Variants in NID1 observed in about 807,000 individuals in gnomAD.
NID1 encodes the protein nidogen 1, also known as nidogen-1.
In NID1, 76 loss-of-function variants were observed where a neutral mutation model predicts 130.6. The ratio of observed to expected loss-of-function variants is 0.58; its 90% CI spans 0.48 to 0.70. NID1 has a LOEUF of 0.70. Ranked by LOEUF, NID1 falls within the 30% of genes least tolerant of loss-of-function variation. NID1 has a pLI of 0.00. For synonymous variants in NID1, 665 were observed against 675.1 expected, an observed-to-expected ratio of 0.98 and a Z score of 0.23; for missense variants, 1,517 against 1,664.8, an observed-to-expected ratio of 0.91 and a Z score of 1.54.
At position 236,034,973 on chromosome 1, in the gene NID1, C is replaced by T. The variant is rs866773146; in HGVS notation, c.1286-2321G>A. 1.1e-3 allele frequency among the ~76,000 whole-genome samples: 149 copies of T among 131,492 alleles called. 1 individual carries two copies. Among genetic ancestry groups the T allele is most frequent in the African/African-American group, 3.9e-3 (134 of 33,996 alleles). 86.3% of individuals were successfully genotyped at this position (131,492 alleles called of 152,430 possible). A position where few individuals can be genotyped will look rare whatever the true frequency, so the allele number is the denominator to read the frequency against. ...CCTCACAGGTTCTCGGCAGAGTTTT[C>T]TTTTTTTTTTCTTTCTTTCTTTCTT... On this transcript the variant is annotated intron_variant, in intron 5 of 19. Transcript: ENST00000264187.
intron 13 of NID1, among the ~76,000 whole-genome samples, chr1:235,992,063 G>A (rs965297096): frequency 3.9e-5 from 6 of 152,136 alleles, no homozygotes; most frequent in African/African-American, 1.4e-4. Flanking sequence ...ACACAACTGT[G>A]CTGCAAAGCA....
chr1:235,988,767 A>G (rs1433577791), intron 14 of NID1, among the ~76,000 whole-genome samples: 1 of 152,194 alleles, frequency 6.6e-6, no homozygotes, highest in African/African-American at 2.4e-5. Flanking sequence ...GCCAGACACG[A>G]ATGACAAATA....
intron 7 of NID1, among the ~76,000 whole-genome samples, 171 bp from the exon 8 acceptor site, chr1:236,026,312 T>G (rs984302164): frequency 3.3e-5 from 5 of 152,208 alleles, no homozygotes; most frequent in Non-Finnish European, 7.3e-5. Context: ...TTGTTTGTAT[T>G]GAGACTCATT....
chr1:236,044,218 G>T (rs781593857), intron 3 of NID1, among the ~76,000 whole-genome samples: 14 of 152,152 alleles, frequency 9.2e-5, no homozygotes, highest in Admixed American at 3.3e-4. Flanking sequence ...AGCTTATATG[G>T]ACTAGCTTGT....
chr1:235,995,511 G>T (rs1324561563), intron 12 of NID1, among the ~76,000 whole-genome samples: 2 of 152,188 alleles, frequency 1.3e-5, no homozygotes, highest in African/African-American at 2.4e-5. Context: ...AGCCTCTGCA[G>T]TATCGACCAC....
At chr1:235,988,141 T>C (rs530276940) in intron 14 of NID1, among the ~76,000 whole-genome samples, 2 of 152,340 alleles carry the variant, frequency 1.3e-5, no homozygotes, top group African/African-American at 4.8e-5. Flanking sequence ...GCGAATCATG[T>C]ATCTTTTAAA....
chr1:236,061,582 C>T (rs1660037815), intron 1 of NID1, among the ~76,000 whole-genome samples: 1 of 152,146 alleles, frequency 6.6e-6, no homozygotes, highest in South Asian at 2.1e-4. Flanking sequence ...TCTCCTGCCT[C>T]AGCCTCCTGA....
At chr1:236,046,449 C>T (rs1047449687) in intron 2 of NID1, among the ~76,000 whole-genome samples, 65 of 152,098 alleles carry the variant, frequency 4.3e-4, no homozygotes, top group African/African-American at 1.2e-3. Flanking sequence ...ATGCCAGGAG[C>T]GGTGGGAGTG....
intron 7 of NID1, 131 bp from the exon 8 acceptor site, chr1:236,026,272 G>C (rs1658928866): frequency 9.7e-6 from 11 of 1,131,242 alleles, no homozygotes; most frequent in Non-Finnish European, 1.4e-5. Context: ...CCAGATGACA[G>C]ACCAGACAGA....
Position 236,032,535 on chromosome 1 carries a change from C to G in NID1, c.1403G>C (p.Arg468Pro). ...AATGGTGCTGATGGCTGTGTAGGAG[C>G]GCCCGTGGTTCATTACTACGTAAGA... Reference protein sequence around the residue: ...LHSYVVMNHGRSYTAISTIPE... With the variant: ...LHSYVVMNHGPSYTAISTIPE... Residue 468 changes from arginine (R) to proline (P), a missense_variant, in exon 6 of 20, where the codon CGC becomes CCC. Physicochemically the swap from Arg to Pro is moderately radical, Grantham distance 103. This residue lies in a region of NID1 where 1,329 missense variants were observed against 1,429.2 expected (regional missense o/e 0.93). Coordinates refer to ENST00000264187, the MANE Select transcript of NID1 (RefSeq NM_002508.3). The G allele has an allele frequency of 6.2e-7, 1 of 1,614,124 alleles. No individual in the cohort carries two copies. Among genetic ancestry groups the G allele is most frequent in the South Asian group, 1.1e-5 (1 of 91,072 alleles).
At chr1:236,013,761 G>C (rs1426717421) in intron 10 of NID1, among the ~76,000 whole-genome samples, 1 of 152,130 alleles carries the variant, frequency 6.6e-6, no homozygotes. Flanking sequence ...TGCCTCTGAT[G>C]GGTCTTGGCT....
intron 1 of NID1, among the ~76,000 whole-genome samples, chr1:236,063,660 G>A (rs1465998713): frequency 6.7e-6 from 1 of 150,236 alleles, no homozygotes; most frequent in East Asian, 2.0e-4. Flanking sequence ...GGTGACACTC[G>A]CCTGTGGTCC....
intron 14 of NID1, among the ~76,000 whole-genome samples, chr1:235,989,387 G>A (rs555957519): frequency 2.0e-5 from 3 of 152,184 alleles, no homozygotes; most frequent in Non-Finnish European, 2.9e-5. Flanking sequence ...GCATGTGCTG[G>A]AGATGGAAAT....
intron 12 of NID1, among the ~76,000 whole-genome samples, chr1:235,994,341 T>A (rs981813797): frequency 6.6e-6 from 1 of 152,168 alleles, no homozygotes; most frequent in South Asian, 2.1e-4. Flanking sequence ...TTTGTATTTT[T>A]AGTAGAGACA....
chr1:235,987,693 T>C (rs759313225), intron 14 of NID1, among the ~76,000 whole-genome samples: 6 of 151,806 alleles, frequency 4.0e-5, no homozygotes, highest in Admixed American at 6.6e-5. Context: ...ACCCTGGGAG[T>C]GGGTTCTTGG....
In NID1 at chr1:236,026,157, G is replaced by T. The variant is rs752250100; in HGVS notation, c.1739-16C>A. On this transcript the variant is annotated splice_polypyrimidine_tract_variant and intron_variant, in intron 7 of 19. Coordinates refer to ENST00000264187, the MANE Select transcript of NID1 (RefSeq NM_002508.3). ...GAAGTGATCACTGCAGAGTGGGAAG[G>T]ATGGAGGGGACAAGGCAGGGAGACA... 1 of 1,612,452 alleles carries T rather than the reference G, an allele frequency of 6.2e-7. No individual in the cohort carries two copies. Among genetic ancestry groups the T allele is most frequent in the South Asian group, 1.1e-5 (1 of 90,924 alleles).
chr1:235,994,702 T>TC (rs893005587), intron 12 of NID1, among the ~76,000 whole-genome samples: 9 of 149,324 alleles, frequency 6.0e-5, no homozygotes, highest in African/African-American at 1.5e-4. Flanking sequence ...TTCTTCTTCT[T>TC]TTTTTTTTTT....
Position 236,064,836 on chromosome 1 carries a change from C to T in NID1, c.225+19G>A. On this transcript the variant is annotated intron_variant, in intron 1 of 19. Transcript: ENST00000264187. ...CCGCGCCCTGCAGCCCCTCGCCCGC[C>T]CTCCCGGGGCTCACTCACGTAGACT... The T allele has an allele frequency of 6.2e-7, 1 of 1,602,348 alleles. No individual in the cohort carries two copies. The highest frequency in any genetic ancestry group is 2.3e-5 in the East Asian group (1 of 44,288).
At chr1:236,029,879 T>C (rs1404289307) in intron 6 of NID1, 129 bp from the exon 7 acceptor site, 12 of 800,688 alleles carry the variant, frequency 1.5e-5, no homozygotes, top group Non-Finnish European at 2.5e-5. Flanking sequence ...CTGTAGAACA[T>C]AGAACTGGTG....
Sources: allele counts gnomAD v4.1 joint callset (sites outside exome capture counted in the v4.1 genomes callset), GRCh38; gene constraint gnomAD v4.1.1; regional missense constraint gnomAD v4.1.1; transcripts MANE v1.5; gene names NCBI Gene and HGNC (gene_info 2026-07-23, HGNC 2026-07-21).